Variants in ADRA1B observed in about 807,000 individuals in gnomAD.
ADRA1B encodes the protein adrenoceptor alpha 1B, also known as alpha-1B adrenergic receptor.
ADRA1B carries 17 observed loss-of-function variants against 17.9 expected under a neutral mutation model. The ratio of observed to expected loss-of-function variants is 0.95; its 90% CI spans 0.65 to 1.42. The LOEUF (loss-of-function observed/expected upper bound fraction) is 1.42, where lower values mean the gene tolerates loss of function less well. Ranked by LOEUF, ADRA1B falls within the 40% of genes most tolerant of loss-of-function variation. The pLI, the probability that ADRA1B is intolerant of heterozygous loss-of-function variation, is 0.00. For missense variants in ADRA1B, 681 were observed against 722.1 expected, an observed-to-expected ratio of 0.94 and a Z score of 0.65; for synonymous variants, 366 against 327.6, an observed-to-expected ratio of 1.12 and a Z score of -1.27.
intron 1 of ADRA1B, among the ~76,000 whole-genome samples, chr5:159,911,043 G>A (rs749783279): frequency 3.3e-5 from 5 of 152,142 alleles, no homozygotes; most frequent in Non-Finnish European, 4.4e-5. Flanking sequence ...ATCTCTATCA[G>A]CTCCCTGCCC....
chr5:159,971,109 G>A (rs953256200), intron 1 of ADRA1B, among the ~76,000 whole-genome samples: 2 of 152,040 alleles, frequency 1.3e-5, no homozygotes, highest in South Asian at 2.1e-4. Context: ...GCCTCTTTGC[G>A]GTTTTTATTT....
At chr5:159,921,364 G>T (rs926355911) in intron 1 of ADRA1B, among the ~76,000 whole-genome samples, 16 of 152,328 alleles carry the variant, frequency 1.1e-4, no homozygotes, top group Admixed American at 5.2e-4. Context: ...ATAGAATATA[G>T]CAGTATTTCT....
intron 1 of ADRA1B, among the ~76,000 whole-genome samples, chr5:159,905,293 C>A (rs1313357792): frequency 1.3e-5 from 2 of 152,142 alleles, no homozygotes; most frequent in African/African-American, 4.8e-5. Context: ...GACAATCCAA[C>A]AAAGCAAGCC....
chr5:159,884,893 C>T (rs111706464), intron 1 of ADRA1B, among the ~76,000 whole-genome samples: 4 of 152,330 alleles, frequency 2.6e-5, no homozygotes, highest in Non-Finnish European at 2.9e-5. Flanking sequence ...CAACTGTCTC[C>T]TCCGCTCAGT....
In ADRA1B at chr5:159,917,518, C is replaced by T; in HGVS notation, c.613C>T (p.Leu205Phe). ...CGVTEEPFYA[L>F]FSSLGSFYIP... ...GGTCACCGAAGAACCCTTCTATGCC[C>T]TCTTCTCCTCTCTGGGCTCCTTCTA... The change falls in exon 1 of 2, where the codon CTC becomes TTC. Residue 205 changes from leucine to phenylalanine, a missense_variant. Physicochemically the swap from Leu to Phe is conservative, Grantham distance 22. Around this residue, in one of 3 missense-constraint regions of ADRA1B, gnomAD observed 424 missense variants for 480.2 expected, o/e 0.88. Transcript: ENST00000306675. 2 of 1,614,032 alleles carry T rather than the reference C, an allele frequency of 1.2e-6. No individual in the cohort carries two copies. Among genetic ancestry groups the T allele is most frequent in the Non-Finnish European group, 1.7e-6 (2 of 1,179,962 alleles).
intron 1 of ADRA1B, chr5:159,950,916 A>G (rs1755422245): frequency 1.8e-6 from 1 of 566,872 alleles, no homozygotes; most frequent in East Asian, 4.0e-5. Context: ...CCGTCGCACC[A>G]CAGTTTCCCA....
chr5:159,891,671 T>C (rs1753984030), intron 1 of ADRA1B, among the ~76,000 whole-genome samples: 1 of 152,182 alleles, frequency 6.6e-6, no homozygotes, highest in Non-Finnish European at 1.5e-5. Context: ...TGATTCATTG[T>C]TGAGAATTTT....
chr5:159,982,842 G>A, the ADRA1B span, among the ~76,000 whole-genome samples: 1 of 152,168 alleles, frequency 6.6e-6, no homozygotes, highest in African/African-American at 2.4e-5. Flanking sequence ...TGAATCCAGG[G>A]AAAGGATGGG....
chr5:159,945,748 G>GGTTTT (rs397933217), intron 1 of ADRA1B, among the ~76,000 whole-genome samples: 1 of 112,374 alleles, frequency 8.9e-6, no homozygotes, highest in Non-Finnish European at 2.3e-5. Flanking sequence ...TTTTTTGTTT[G>GGTTTT]TTTGTTTTTT....
intron 1 of ADRA1B, among the ~76,000 whole-genome samples, chr5:159,898,389 G>A (rs1244339637): frequency 6.6e-6 from 1 of 152,146 alleles, no homozygotes; most frequent in African/African-American, 2.4e-5. Flanking sequence ...CACAGAAACT[G>A]ATTCCCAGAA....
intron 1 of ADRA1B, among the ~76,000 whole-genome samples, chr5:159,942,066 G>C (rs552505705): frequency 1.3e-5 from 2 of 152,030 alleles, no homozygotes; most frequent in Non-Finnish European, 2.9e-5. Flanking sequence ...GGGACTACAG[G>C]TGCCCGCCAC....
intron 1 of ADRA1B, among the ~76,000 whole-genome samples, chr5:159,944,566 C>T (rs1169377247): frequency 6.6e-6 from 1 of 152,212 alleles, no homozygotes; most frequent in Admixed American, 6.5e-5. Flanking sequence ...TGATTGCTTG[C>T]TCATGATGAA....
chr5:159,908,843 G>A (rs1561587288), intron 1 of ADRA1B, among the ~76,000 whole-genome samples: 2 of 152,182 alleles, frequency 1.3e-5, no homozygotes, highest in African/African-American at 2.4e-5. Flanking sequence ...TAAGTGGGTA[G>A]CGCTCCAAAG....
At chr5:159,868,955 A>C (rs1373993550) in intron 1 of ADRA1B, 3 of 152,206 alleles carry the variant, frequency 2.0e-5, no homozygotes, top group Non-Finnish European at 4.4e-5. Context: ...ACTCTAAGCA[A>C]ACCATTCAAC....
At chr5:159,894,297 A>T (rs115560553) in intron 1 of ADRA1B, among the ~76,000 whole-genome samples, 1,879 of 152,354 alleles carry the variant, frequency 0.012, 39 homozygotes, top group African/African-American at 0.042. Context: ...AACAACTAAG[A>T]GTCTGCAATC....
At chr5:159,974,837 C>A (rs1298784652), downstream of ADRA1B, among the ~76,000 whole-genome samples, 3 of 152,100 alleles carry the variant, frequency 2.0e-5, no homozygotes, top group Non-Finnish European at 4.4e-5. Context: ...TAGTAATTTT[C>A]TAGGCCAACT....
chr5:159,959,347 C>T (rs187255343), intron 1 of ADRA1B, among the ~76,000 whole-genome samples: 2 of 152,248 alleles, frequency 1.3e-5, no homozygotes, highest in African/African-American at 4.8e-5. Context: ...TATTATGAAC[C>T]CGATACTGAG....
intron 1 of ADRA1B, among the ~76,000 whole-genome samples, chr5:159,899,498 T>C (rs72808179): frequency 1.3e-5 from 2 of 152,290 alleles, no homozygotes; most frequent in East Asian, 1.9e-4. Flanking sequence ...ATGTCATAAG[T>C]ATTTATCATC....
chr5:159,876,388 G>T (rs1328089851), intron 1 of ADRA1B, among the ~76,000 whole-genome samples: 1 of 152,204 alleles, frequency 6.6e-6, no homozygotes, highest in African/African-American at 2.4e-5. Flanking sequence ...GAAAGAGAGA[G>T]AATGGGATTT....
Sources: allele counts gnomAD v4.1 joint callset (sites outside exome capture counted in the v4.1 genomes callset), GRCh38; gene constraint gnomAD v4.1.1; regional missense constraint gnomAD v4.1.1; transcripts MANE v1.5; gene names NCBI Gene and HGNC (gene_info 2026-07-23, HGNC 2026-07-21).